The following HLTF variants were observed in gnomAD, a reference collection of about 807,000 sequenced individuals.
HLTF encodes DNA-dependent ATPase/E3 ubiquitin-protein ligase HLTF.
In HLTF, 127 loss-of-function variants were observed where a neutral mutation model predicts 129.4. The ratio of observed to expected loss-of-function variants is 0.98; its 90% CI spans 0.85 to 1.14. HLTF has a LOEUF of 1.14. Among genes scored for constraint, HLTF ranks in the 50% most tolerant of loss-of-function variants. The pLI is 0.00. For missense variants in HLTF, 1,139 were observed against 1,187.1 expected (o/e 0.96, Z 0.60); for synonymous variants, 332 against 388.8 (o/e 0.85, Z 1.72).
intron 1 of HLTF, 150 bp downstream of exon 1, chr3:149,086,167 T>C: frequency 1.2e-6 from 1 of 846,228 alleles, no homozygotes; most frequent in Non-Finnish European, 2.0e-6. Context: ...AATGCATTTA[T>C]TTCTCCGGCG....
Position 149,084,844 on chromosome 3 carries a change from A to G in HLTF, c.66T>C (p.His22=), listed in dbSNP as rs377373776. 1.5e-5 allele frequency: 24 copies of G among 1,614,016 alleles called. No homozygotes were observed. The Middle Eastern group carries it at 4.9e-4, about 33-fold the overall frequency. ...GATATGAGAGGCGTGGAAAATTTCC[A>G]TGAACTCCATACTGGACAGTCTGCA... ...KYLQTVQYGV[H]GNFPRLSYPT... The change falls in exon 2 of 25, where the codon CAT becomes CAC. Residue 22 remains histidine (H), a synonymous_variant. Transcript: ENST00000310053.
chr3:149,045,772 G>C (rs1030743194), intron 18 of HLTF, among the ~76,000 whole-genome samples: 3 of 152,086 alleles, frequency 2.0e-5, no homozygotes, highest in African/African-American at 4.8e-5. Context: ...TATTTCATCA[G>C]TTCCTATTTC....
chr3:149,041,148 T>C (rs746203195), intron 20 of HLTF, among the ~76,000 whole-genome samples: 2 of 152,172 alleles, frequency 1.3e-5, no homozygotes, highest in African/African-American at 4.8e-5. Flanking sequence ...TTAGATATAT[T>C]GGGTTAAATA....
chr3:149,055,335 T>C lies in HLTF; in HGVS notation c.1441A>G (p.Ile481Val). ...TTGCTTAACACAGAAAGCGGACAGA[T>C]GATCAGTGTTGTTCTTGGTCTCTCC... The part of the protein sequence containing the change: ...VEERPRTTLI[I>V]CPLSVLSNWI... The change falls in exon 14 of 25, where the codon ATC becomes GTC. Residue 481 changes from isoleucine to valine, a missense_variant. Transcript: ENST00000310053. 5 of 1,613,788 alleles carry C rather than the reference T, an allele frequency of 3.1e-6. No individual in the cohort carries two copies. The highest frequency in any genetic ancestry group is 4.2e-6 in the Non-Finnish European group (5 of 1,179,714).
At chr3:149,061,630 G>T (rs1001488938) in intron 10 of HLTF, among the ~76,000 whole-genome samples, 20 of 151,824 alleles carry the variant, frequency 1.3e-4, no homozygotes, top group African/African-American at 4.8e-4. Context: ...GAGGTCAGGA[G>T]TTTGAGACCA....
chr3:149,059,003 C>T (rs981231023), intron 13 of HLTF, among the ~76,000 whole-genome samples: 1 of 152,152 alleles, frequency 6.6e-6, no homozygotes. Context: ...GACCAAAAGT[C>T]GGCTCTTTCT....
At position 149,048,131 on chromosome 3, in the gene HLTF, A is replaced by G; in HGVS notation, c.1789T>C (p.Trp597Arg). The G allele has an allele frequency of 6.2e-7, 1 of 1,611,232 alleles. No individual in the cohort carries two copies. The highest frequency in any genetic ancestry group is 1.1e-5 in the South Asian group (1 of 90,514). Residue 597 changes from tryptophan to arginine, a missense_variant, in exon 17 of 25, where the codon TGG becomes CGG. Transcript: ENST00000310053. Reference sequence around the variant, plus strand: ...AGTTTTAAAAAGGAAAGAAGAGACCACAAGTCCTTTAAAGAATTCTGGATT... The same window carrying G: ...AGTTTTAAAAAGGAAAGAAGAGACCGCAAGTCCTTTAAAGAATTCTGGATT... ...TPIQNSLKDL[W>R]SLLSFLKLKP...
chr3:149,085,388 C>CT lies in HLTF; in HGVS notation c.21-500dup, dbSNP rs200840947. ...TATGTAATCCCAGCTACTCGGGAGG[C>CT]TGAGGCAGGAGAATCACTTGAACCC... On this transcript the variant is annotated intron_variant, in intron 1 of 24. Transcript: ENST00000310053. Among the ~76,000 whole-genome samples the CT allele has an allele frequency of 3.3e-4, 51 of 152,266 alleles. No homozygotes were observed. The East Asian group carries it at 8.3e-3, about 25-fold the overall frequency.
chr3:149,045,957 T>C (rs1346930750), intron 18 of HLTF, 123 bp downstream of exon 18: 4 of 649,850 alleles, frequency 6.2e-6, no homozygotes, highest in Admixed American at 3.8e-5. Flanking sequence ...CTGTAATTCA[T>C]AGAAGCAAAT....
At chr3:149,072,426 A>T (rs1055221297) in intron 5 of HLTF, among the ~76,000 whole-genome samples, 1 of 152,198 alleles carries the variant, frequency 6.6e-6, no homozygotes, top group East Asian at 1.9e-4. Flanking sequence ...ATGACATTCC[A>T]TTTATTATTA....
chr3:149,035,670 A>C (rs1276751928), intron 23 of HLTF, among the ~76,000 whole-genome samples: 2 of 150,858 alleles, frequency 1.3e-5, no homozygotes, highest in Non-Finnish European at 2.9e-5. Flanking sequence ...AAAAAAAAAA[A>C]AAAAAAAAAA....
At chr3:149,067,432 TAGTA>T (rs1718480712) in intron 8 of HLTF, among the ~76,000 whole-genome samples, 1 of 152,190 alleles carries the variant, frequency 6.6e-6, no homozygotes, top group Non-Finnish European at 1.5e-5. Flanking sequence ...GGTTACATAA[TAGTA>T]AGTTTTATGG....
At chr3:149,043,167 A>AAG (rs1236879916) in intron 18 of HLTF, among the ~76,000 whole-genome samples, 5 of 152,026 alleles carry the variant, frequency 3.3e-5, no homozygotes, top group Admixed American at 3.3e-4. Context: ...GAAGAGATGA[A>AAG]AGATGAGCTG....
At chr3:149,053,724 G>A (rs1480453107) in intron 14 of HLTF, among the ~76,000 whole-genome samples, 3 of 152,046 alleles carry the variant, frequency 2.0e-5, no homozygotes, top group Admixed American at 2.0e-4. Context: ...TTTCCTTTCT[G>A]AACTTTACAT....
chr3:149,052,186 A>T (rs1416234942), intron 14 of HLTF: 2 of 151,950 alleles, frequency 1.3e-5, no homozygotes, highest in African/African-American at 2.4e-5. Flanking sequence ...TCCAGCAAAG[A>T]AAAAAAGGAA....
chr3:149,066,503 A>T (rs975187638), intron 8 of HLTF, among the ~76,000 whole-genome samples: 1 of 152,050 alleles, frequency 6.6e-6, no homozygotes, highest in Non-Finnish European at 1.5e-5. Context: ...TGTTTGGAAT[A>T]TCTAAACATA....
chr3:149,047,298 T>C (rs946924471), intron 17 of HLTF, among the ~76,000 whole-genome samples: 1 of 152,182 alleles, frequency 6.6e-6, no homozygotes, highest in Admixed American at 6.5e-5. Context: ...CATAAAACTT[T>C]CCTATACAAC....
At chr3:149,064,729 G>C (rs1168401794) in intron 9 of HLTF, 62 bp downstream of exon 9, 5 of 1,008,362 alleles carry the variant, frequency 5.0e-6, no homozygotes, top group Non-Finnish European at 7.9e-6. Context: ...TCAAATATTG[G>C]GTCATATTCA....
rs1209383794 is a variant in HLTF, at chr3:149,042,241, G to C, written c.2122C>G (p.Leu708Val). ...CAAATTTGCCGCAGTCTAAGCAAAA[G>C]ACCCAGGACATCTGCATAATGTGCC... is the stretch of plus-strand genomic sequence containing the variant. ...VLAHYADVLG[L>V]LLRLRQICCH... The change falls in exon 19 of 25, where the codon CTT (leucine) becomes GTT (valine). Residue 708 changes from leucine (L) to valine (V), a missense_variant. Transcript: ENST00000310053. The C allele has an allele frequency of 6.2e-7, 1 of 1,612,986 alleles. No individual in the cohort carries two copies.
Sources: allele counts gnomAD v4.1 joint callset (sites outside exome capture counted in the v4.1 genomes callset), GRCh38; gene constraint gnomAD v4.1.1; transcripts MANE v1.5; gene names NCBI Gene and HGNC (gene_info 2026-07-23, HGNC 2026-07-21).